FNIP1: variants seen among roughly 807,000 people sequenced by gnomAD.
The protein encoded by FNIP1 is folliculin-interacting protein 1.
A neutral mutation model predicts 124.5 loss-of-function variants in FNIP1; 40 were observed. The observed-to-expected ratio is 0.32, with a 90% CI of 0.25 to 0.42. FNIP1 has a LOEUF of 0.42. Ranked by LOEUF, FNIP1 falls within the 10% of genes least tolerant of loss-of-function variation. The pLI, the probability that FNIP1 is intolerant of heterozygous loss-of-function variation, is 1.00. For missense variants in FNIP1, 1,176 were observed against 1,403.7 expected (o/e 0.84, Z 2.59); for synonymous variants, 472 against 470.6 (o/e 1.00, Z -0.04).
chr5:131,756,802 TA>T (rs1453612622), intron 1 of FNIP1, among the ~76,000 whole-genome samples: 1 of 152,096 alleles, frequency 6.6e-6, no homozygotes, highest in African/African-American at 2.4e-5. Context: ...ATTTGAGATA[TA>T]AAAGTCCAGC....
At chr5:131,791,481 T>C (rs1772404119) in intron 1 of FNIP1, among the ~76,000 whole-genome samples, 1 of 152,146 alleles carries the variant, frequency 6.6e-6, no homozygotes, top group African/African-American at 2.4e-5. Flanking sequence ...TGATAAAATA[T>C]CTAAATCGAA....
At chr5:131,739,478 T>A (rs1770433981) in intron 2 of FNIP1, among the ~76,000 whole-genome samples, 1 of 152,198 alleles carries the variant, frequency 6.6e-6, no homozygotes, top group African/African-American at 2.4e-5. Context: ...TTTCTGATCC[T>A]CTATTTTGTT....
At chr5:131,693,336 A>ATATATATG (rs1768567709) in intron 11 of FNIP1, among the ~76,000 whole-genome samples, 18 of 102,672 alleles carry the variant, frequency 1.8e-4, no homozygotes, top group Non-Finnish European at 2.6e-4. Context: ...ATATATACAT[A>ATATATATG]TATATATATA....
chr5:131,654,356 G>C (rs1452269585), intron 15 of FNIP1, among the ~76,000 whole-genome samples: 1 of 152,138 alleles, frequency 6.6e-6, no homozygotes, highest in East Asian at 1.9e-4. Context: ...GAAATACTGA[G>C]ACCAATGGCT....
chr5:131,716,523 G>T (rs1301341274), intron 6 of FNIP1, 42 bp downstream of exon 6: 6 of 1,310,294 alleles, frequency 4.6e-6, no homozygotes, highest in Non-Finnish European at 6.5e-6. Flanking sequence ...TTGTTACCCT[G>T]CTAGTATTTT....
chr5:131,770,258 T>C (rs1262955020), intron 1 of FNIP1, among the ~76,000 whole-genome samples: 2 of 152,180 alleles, frequency 1.3e-5, no homozygotes, highest in African/African-American at 2.4e-5. Flanking sequence ...TCTGAACTCT[T>C]GTGTTGAGTT....
chr5:131,738,688 T>C (rs556353849), intron 2 of FNIP1, among the ~76,000 whole-genome samples: 111 of 151,948 alleles, frequency 7.3e-4, no homozygotes, highest in South Asian at 6.2e-3. Flanking sequence ...TTTTTTTTAG[T>C]AGAGACGGGG....
chr5:131,666,337 A>G (rs1317023843), intron 15 of FNIP1, among the ~76,000 whole-genome samples: 1 of 152,188 alleles, frequency 6.6e-6, no homozygotes, highest in East Asian at 1.9e-4. Context: ...TTACATGACT[A>G]AATGAAAATA....
chr5:131,702,878 G>T (rs1768949249), intron 10 of FNIP1, among the ~76,000 whole-genome samples: 1 of 152,072 alleles, frequency 6.6e-6, no homozygotes, highest in Non-Finnish European at 1.5e-5. Flanking sequence ...CGCCTCTGCT[G>T]GTTCCTTCTC....
At chr5:131,792,903 G>A (rs915673452) in intron 1 of FNIP1, among the ~76,000 whole-genome samples, 2 of 152,154 alleles carry the variant, frequency 1.3e-5, no homozygotes, top group Non-Finnish European at 2.9e-5. Flanking sequence ...GGCATTTCAG[G>A]TAAAGGATAC....
At chr5:131,782,319 C>A (rs116044230) in intron 1 of FNIP1, among the ~76,000 whole-genome samples, 1 of 151,744 alleles carries the variant, frequency 6.6e-6, no homozygotes, top group Non-Finnish European at 1.5e-5. Flanking sequence ...GAGGCTGAGA[C>A]GGGGGGATCT....
At chr5:131,727,721 T>C (rs1040836542) in intron 3 of FNIP1, among the ~76,000 whole-genome samples, 1 of 152,238 alleles carries the variant, frequency 6.6e-6, no homozygotes, top group Non-Finnish European at 1.5e-5. Flanking sequence ...CCTGTCATTA[T>C]GATGCTAGCT....
intron 15 of FNIP1, among the ~76,000 whole-genome samples, chr5:131,664,896 A>G (rs1247930421): frequency 6.6e-6 from 1 of 150,644 alleles, no homozygotes; most frequent in African/African-American, 2.4e-5. Context: ...CTATATAAAA[A>G]TATATACTTA....
intron 3 of FNIP1, among the ~76,000 whole-genome samples, chr5:131,724,821 T>G (rs2149545962): frequency 6.6e-6 from 1 of 152,372 alleles, no homozygotes; most frequent in South Asian, 2.1e-4. Flanking sequence ...TTCTAGGGTT[T>G]TTATGGTTTT....
Position 131,647,073 on chromosome 5 carries a change from A to AG in FNIP1, c.3422+16dup. 1 of 1,610,350 alleles carries AG rather than the reference A, an allele frequency of 6.2e-7. No individual in the cohort carries two copies. The highest frequency in any genetic ancestry group is 8.5e-7 in the Non-Finnish European group (1 of 1,177,004). On this transcript the variant is annotated intron_variant, in intron 17 of 17. Transcript: ENST00000510461. The stretch of plus-strand genomic sequence containing the variant: ...AGGGCAATGAAAGCAAAGCCAAAAA[A>AG]GAAACCATTAACATACCCCAGAACC...
intron 1 of FNIP1, among the ~76,000 whole-genome samples, chr5:131,765,496 T>C (rs6871302): frequency 0.093 from 14,086 of 152,214 alleles, 1,503 homozygotes; most frequent in African/African-American, 0.26. Context: ...TAGTACCTAC[T>C]AGGATGAGTT....
chr5:131,778,258 A>T (rs977232152), intron 1 of FNIP1, among the ~76,000 whole-genome samples: 1 of 152,206 alleles, frequency 6.6e-6, no homozygotes, highest in African/African-American at 2.4e-5. Context: ...ACAAACAAAC[A>T]AAACCTGACT....
chr5:131,678,532 C>G (rs542119454), intron 12 of FNIP1, among the ~76,000 whole-genome samples: 1 of 152,234 alleles, frequency 6.6e-6, no homozygotes, highest in African/African-American at 2.4e-5. Flanking sequence ...CTCAGCCTCC[C>G]AAGTAGCTGG....
Position 131,716,625 on chromosome 5 carries a change from C to G in FNIP1, c.562G>C (p.Asp188His). 6.2e-7 allele frequency: 1 copy of G among 1,603,566 alleles called. No individual in the cohort carries two copies. The highest frequency in any genetic ancestry group is 2.3e-5 in the East Asian group (1 of 44,216). Residue 188 changes from aspartate (D) to histidine (H), a missense_variant, in exon 6 of 18, where the codon GAC (aspartate) becomes CAC (histidine). Coordinates refer to ENST00000510461, the MANE Select transcript of FNIP1 (RefSeq NM_133372.3). The stretch of plus-strand genomic sequence containing the variant: ...TTATCAGCCTTTAATGTATTGTTGT[C>G]CTGATTGATGAATTCAAGACTATCT... ...LQDSLEFINQ[D>H]NNTLKADNNT...
Sources: allele counts gnomAD v4.1 joint callset (sites outside exome capture counted in the v4.1 genomes callset), GRCh38; gene constraint gnomAD v4.1.1; transcripts MANE v1.5; gene names NCBI Gene and HGNC (gene_info 2026-07-23, HGNC 2026-07-21).